ITPRID1: variants seen among roughly 807,000 people sequenced by gnomAD.
ITPRID1 encodes the protein ITPR interacting domain containing 1, also known as protein ITPRID1.
ITPRID1 carries 96 observed loss-of-function variants against 95.4 expected under a neutral mutation model. That is an observed-to-expected ratio of 1.01 (90% CI 0.85 to 1.19). The LOEUF is 1.19. Among genes scored for constraint, ITPRID1 ranks in the 50% most tolerant of loss-of-function variants. The probability of loss-of-function intolerance (pLI) is 0.00; values close to 1 mark genes in which losing one functional copy is unlikely to be tolerated. For synonymous variants in ITPRID1, 510 were observed against 453.6 expected (o/e 1.12, Z -1.58); for missense variants, 1,339 against 1,252.9 (o/e 1.07, Z -1.04).
At chr7:31,609,100 ATTCTTTT>A (rs1786751951) in intron 10 of ITPRID1, among the ~76,000 whole-genome samples, 1 of 151,392 alleles carries the variant, frequency 6.6e-6, no homozygotes, top group Non-Finnish European at 1.5e-5. Flanking sequence ...TTTTTCTTTT[ATTCTTTT>A]AACATTGTGT....
chr7:31,538,658 T>C (rs1009864509), intron 1 of ITPRID1, among the ~76,000 whole-genome samples: 9 of 152,332 alleles, frequency 5.9e-5, no homozygotes, highest in Non-Finnish European at 1.3e-4. Flanking sequence ...TTTTTCATAA[T>C]TACATTTCAT....
intron 10 of ITPRID1, among the ~76,000 whole-genome samples, chr7:31,620,572 A>G (rs1787765760): frequency 6.6e-6 from 1 of 151,346 alleles, no homozygotes; most frequent in Non-Finnish European, 1.5e-5. Context: ...AGGAAAACTA[A>G]CAAACAGAAA....
At chr7:31,642,125 C>T (rs945762547) in intron 10 of ITPRID1, 51 bp from the exon 11 acceptor site, 2 of 1,369,556 alleles carry the variant, frequency 1.5e-6, no homozygotes, top group Non-Finnish European at 2.0e-6. Flanking sequence ...CCAAGTCCTG[C>T]TGGCTGCGTG....
chr7:31,619,838 A>C (rs1203571692), intron 10 of ITPRID1, among the ~76,000 whole-genome samples: 1 of 152,186 alleles, frequency 6.6e-6, no homozygotes, highest in Non-Finnish European at 1.5e-5. Context: ...GGGGTCAGGG[A>C]GTTCCCTTTC....
intron 10 of ITPRID1, among the ~76,000 whole-genome samples, chr7:31,637,565 C>T (rs1789609886): frequency 6.6e-6 from 1 of 152,134 alleles, no homozygotes; most frequent in South Asian, 2.1e-4. Context: ...ATATCCTTTA[C>T]CCACTTTTTG....
At chr7:31,563,187 A>G (rs1163448579) in intron 5 of ITPRID1, among the ~76,000 whole-genome samples, 1 of 152,222 alleles carries the variant, frequency 6.6e-6, no homozygotes, top group Non-Finnish European at 1.5e-5. Flanking sequence ...TAAAAAACAA[A>G]GAGGCAAAGC....
intron 10 of ITPRID1, among the ~76,000 whole-genome samples, chr7:31,633,290 A>G (rs1323589397): frequency 6.6e-6 from 1 of 152,214 alleles, no homozygotes. Context: ...GAGCAGAGCT[A>G]TGACCGACAA....
intron 10 of ITPRID1, among the ~76,000 whole-genome samples, chr7:31,592,920 T>A (rs557241079): frequency 6.6e-6 from 1 of 152,324 alleles, no homozygotes; most frequent in South Asian, 2.1e-4. Context: ...TAATCGGAGT[T>A]ATAATACTAA....
At chr7:31,571,779 G>A (rs1223144573) in intron 6 of ITPRID1, among the ~76,000 whole-genome samples, 1 of 152,168 alleles carries the variant, frequency 6.6e-6, no homozygotes, top group Non-Finnish European at 1.5e-5. Flanking sequence ...CTTCCTGAAA[G>A]TTGGTGCCTA....
At position 31,599,987 on chromosome 7, in the gene ITPRID1, C is replaced by T. The variant is rs144940569; in HGVS notation, c.1228+16796C>T. 6.0e-3 allele frequency among the ~76,000 whole-genome samples: 905 copies of T among 152,096 alleles called. 12 individuals carry two copies. The highest frequency in any genetic ancestry group is 0.02 in the African/African-American group (845 of 41,470). ...TGCTGGGATTACAGGCGTGAGCCAC[C>T]GCACCCAGCCAGTTATTTTCTATAT... On this transcript the variant is annotated intron_variant, in intron 10 of 14. Transcript: ENST00000615280.
chr7:31,515,338 T>A (rs1313241058), intron 1 of ITPRID1, among the ~76,000 whole-genome samples: 1 of 149,804 alleles, frequency 6.7e-6, no homozygotes, highest in African/African-American at 2.4e-5. Context: ...GTCCATGCAA[T>A]GGACTAGTAT....
chr7:31,558,516 T>C (rs1784526062), intron 5 of ITPRID1, among the ~76,000 whole-genome samples: 1 of 152,168 alleles, frequency 6.6e-6, no homozygotes, highest in Non-Finnish European at 1.5e-5. Flanking sequence ...ATTCATAGCT[T>C]TAAAAAGATA....
intron 10 of ITPRID1, among the ~76,000 whole-genome samples, chr7:31,589,213 A>G (rs1305162713): frequency 6.6e-6 from 1 of 152,136 alleles, no homozygotes; most frequent in African/African-American, 2.4e-5. Flanking sequence ...ACATTACATC[A>G]GAAACAATGA....
chr7:31,551,992 C>T (rs1249748578), intron 2 of ITPRID1: 3 of 384,928 alleles, frequency 7.8e-6, no homozygotes, highest in African/African-American at 2.1e-5. Context: ...TCACCACCTA[C>T]TATGTGCCAA....
intron 5 of ITPRID1, among the ~76,000 whole-genome samples, chr7:31,557,197 T>C (rs1784476552): frequency 6.6e-6 from 1 of 152,068 alleles, no homozygotes; most frequent in Admixed American, 6.6e-5. Context: ...CAGGTGGACA[T>C]GAAATTCCAG....
rs550182528 is a variant in ITPRID1, at chr7:31,537,212, G to A, written c.-97-12214G>A. Reference sequence around the variant, plus strand: ...CTACTTTGCTCCCAATCTTCCTGGTGAATACTCACATAAAGGTCATAGAAG... The same window carrying A: ...CTACTTTGCTCCCAATCTTCCTGGTAAATACTCACATAAAGGTCATAGAAG... On this transcript the variant is annotated intron_variant, in intron 1 of 14. Transcript: ENST00000615280. 4.2e-4 allele frequency among the ~76,000 whole-genome samples: 63 copies of A among 151,788 alleles called. 1 individual carries two copies. Among genetic ancestry groups the A allele is most frequent in the African/African-American group, 1.3e-3 (55 of 41,396 alleles).
At chr7:31,542,761 A>G (rs1783973275) in intron 1 of ITPRID1, among the ~76,000 whole-genome samples, 2 of 152,132 alleles carry the variant, frequency 1.3e-5, no homozygotes, top group Admixed American at 1.3e-4. Flanking sequence ...GACACCTTAT[A>G]GTATTTGACA....
chr7:31,558,845 G>A (rs941562106), intron 5 of ITPRID1, among the ~76,000 whole-genome samples: 2 of 152,080 alleles, frequency 1.3e-5, no homozygotes, highest in African/African-American at 2.4e-5. Flanking sequence ...TTACTTCTGT[G>A]AGCCAATTTT....
At chr7:31,527,272 C>T (rs1432090907) in intron 1 of ITPRID1, among the ~76,000 whole-genome samples, 1 of 152,132 alleles carries the variant, frequency 6.6e-6, no homozygotes, top group Admixed American at 6.6e-5. Context: ...GTTAAAACTG[C>T]GCCTCTTCTT....
Sources: allele counts gnomAD v4.1 joint callset (sites outside exome capture counted in the v4.1 genomes callset), GRCh38; gene constraint gnomAD v4.1.1; transcripts MANE v1.5; gene names NCBI Gene and HGNC (gene_info 2026-07-23, HGNC 2026-07-21).